ABCB5: variants seen among roughly 807,000 people sequenced by gnomAD.
ABCB5 encodes ATP binding cassette subfamily B member 5.
A neutral mutation model predicts 144.2 loss-of-function variants in ABCB5; 155 were observed. The ratio of observed to expected loss-of-function variants is 1.08; its 90% CI spans 0.94 to 1.23. The LOEUF is 1.23. ABCB5 is among the 50% of genes most tolerant of loss of function. The pLI is 0.00. For synonymous variants in ABCB5, 610 were observed against 528.6 expected (o/e 1.15, Z -2.11); for missense variants, 1,830 against 1,520.8 (o/e 1.20, Z -3.38).
chr7:20,717,088 T>C, intron 20 of ABCB5, among the ~76,000 whole-genome samples: 1 of 152,114 alleles, frequency 6.6e-6, no homozygotes, highest in East Asian at 1.9e-4. Flanking sequence ...GCATTTAGTA[T>C]TTAAGGAAAG....
chr7:20,620,908 C>T (rs549747899), intron 1 of ABCB5, among the ~76,000 whole-genome samples: 1 of 152,016 alleles, frequency 6.6e-6, no homozygotes, highest in African/African-American at 2.4e-5. Context: ...CCCAAAAGAA[C>T]TGAAACGAGG....
intron 20 of ABCB5, among the ~76,000 whole-genome samples, chr7:20,720,697 G>C (rs1781831485): frequency 4.6e-5 from 7 of 152,114 alleles, no homozygotes. Context: ...TGTAATCCCA[G>C]CAGTTTGGGA....
At chr7:20,753,798 G>C (rs184163781) in intron 27 of ABCB5, among the ~76,000 whole-genome samples, 62 of 152,296 alleles carry the variant, frequency 4.1e-4, no homozygotes, top group Admixed American at 2.9e-3. Flanking sequence ...CAAGGAAAGA[G>C]CCCAAGAAAA....
At chr7:20,636,472 C>T (rs547102083) in intron 5 of ABCB5, among the ~76,000 whole-genome samples, 10 of 151,846 alleles carry the variant, frequency 6.6e-5, no homozygotes, top group Admixed American at 5.9e-4. Context: ...TTTTTTAAGA[C>T]TCATTTAAAT....
At chr7:20,706,156 C>T (rs555610771) in intron 20 of ABCB5, among the ~76,000 whole-genome samples, 88 of 152,172 alleles carry the variant, frequency 5.8e-4, no homozygotes, top group African/African-American at 2.0e-3. Context: ...CATTAACCTC[C>T]GTAGCACAAT....
At chr7:20,696,766 T>C (rs1786431455) in intron 16 of ABCB5, among the ~76,000 whole-genome samples, 1 of 152,122 alleles carries the variant, frequency 6.6e-6, no homozygotes, top group Non-Finnish European at 1.5e-5. Flanking sequence ...CACAGCCTAT[T>C]TTATGATTTT....
At chr7:20,734,671 C>T (rs900318050) in intron 23 of ABCB5, among the ~76,000 whole-genome samples, 12 of 151,930 alleles carry the variant, frequency 7.9e-5, no homozygotes, top group East Asian at 7.7e-4. Context: ...AAAGACAACA[C>T]GCATGTCTTA....
intron 16 of ABCB5, among the ~76,000 whole-genome samples, chr7:20,693,052 T>C (rs1786287616): frequency 6.6e-6 from 1 of 152,164 alleles, no homozygotes; most frequent in African/African-American, 2.4e-5. Context: ...AGACTTCACA[T>C]ATTAACAACA....
At chr7:20,636,714 G>T (rs1784164587) in intron 5 of ABCB5, among the ~76,000 whole-genome samples, 1 of 143,842 alleles carries the variant, frequency 7.0e-6, no homozygotes, top group South Asian at 2.3e-4. Context: ...GAACCTGGGA[G>T]TTAGAGGTTG....
chr7:20,706,717 T>C (rs1204471227), intron 20 of ABCB5, among the ~76,000 whole-genome samples: 1 of 152,090 alleles, frequency 6.6e-6, no homozygotes, highest in Non-Finnish European at 1.5e-5. Flanking sequence ...AAACAAGGGG[T>C]AAACTGTCCC....
intron 21 of ABCB5, 142 bp downstream of exon 21, chr7:20,723,361 TAG>T (rs143135378): frequency 0.3 from 248,786 of 827,994 alleles, 43,569 homozygotes; most frequent in Non-Finnish European, 0.34. Flanking sequence ...GTGATATGTA[TAG>T]AGAGAGAAAT....
At chr7:20,754,586 CACTGTTGGCTGAAATGCTATGTTAACAGG>C (rs1562595243) in intron 27 of ABCB5, among the ~76,000 whole-genome samples, 1 of 152,310 alleles carries the variant, frequency 6.6e-6, no homozygotes, top group East Asian at 1.9e-4. Flanking sequence ...GTCATAACCT[CACTGTTGGCTGAAATGCTATGTTAACAGG>C]ACAGTTCTAC....
intron 20 of ABCB5, among the ~76,000 whole-genome samples, chr7:20,706,974 A>C (rs1786847571): frequency 6.6e-6 from 1 of 152,204 alleles, no homozygotes; most frequent in South Asian, 2.1e-4. Flanking sequence ...TTCATATTCA[A>C]TTTCAATGGA....
chr7:20,693,471 T>C (rs1454269575), intron 16 of ABCB5, among the ~76,000 whole-genome samples: 1 of 152,144 alleles, frequency 6.6e-6, no homozygotes, highest in Non-Finnish European at 1.5e-5. Context: ...TTGAAATATT[T>C]ATAAACTACA....
At chr7:20,639,860 T>C (rs1299955840) in intron 5 of ABCB5, among the ~76,000 whole-genome samples, 1 of 152,244 alleles carries the variant, frequency 6.6e-6, no homozygotes, top group Admixed American at 6.5e-5. Flanking sequence ...ATGTATTTTA[T>C]GATCACCTTG....
intron 16 of ABCB5, among the ~76,000 whole-genome samples, 193 bp downstream of exon 16, chr7:20,686,029 A>T (rs1785983227): frequency 6.6e-6 from 1 of 152,204 alleles, no homozygotes. Flanking sequence ...GGCTGCATTT[A>T]TATCAGAGGC....
At chr7:20,659,566 T>C (rs1458563002) in intron 14 of ABCB5, 1 of 996,712 alleles carries the variant, frequency 1.0e-6, no homozygotes, top group African/African-American at 1.7e-5. Flanking sequence ...TTCCCTCCCA[T>C]AATAACAATG....
chr7:20,623,170 A>T (rs1562525573), intron 1 of ABCB5, 95 bp from the exon 2 acceptor site: 2 of 763,600 alleles, frequency 2.6e-6, no homozygotes, highest in Non-Finnish European at 4.3e-6. Context: ...TTCCTTTTTC[A>T]AACTGTGAGA....
intron 14 of ABCB5, among the ~76,000 whole-genome samples, chr7:20,666,050 A>G (rs1785182045): frequency 6.6e-6 from 1 of 151,994 alleles, no homozygotes; most frequent in Non-Finnish European, 1.5e-5. Context: ...CATGCGTGCA[A>G]TCCCAGCTAC....
Sources: gnomAD v4.1 joint callset for allele counts (sites outside exome capture counted in the v4.1 genomes callset) on GRCh38, gnomAD v4.1.1 for gene constraint, MANE v1.5 for transcripts, NCBI Gene and HGNC (gene_info 2026-07-23, HGNC 2026-07-21) for gene names.